The following POTEF variants were observed in gnomAD, a reference collection of about 807,000 sequenced individuals.
POTEF encodes POTE ankyrin domain family member F.
POTEF carries 20 observed loss-of-function variants against 83.2 expected under a neutral mutation model. The observed-to-expected ratio is 0.24, with a 90% CI of 0.17 to 0.35. The LOEUF (loss-of-function observed/expected upper bound fraction) is 0.35. POTEF is among the 10% of genes least tolerant of loss of function. The pLI is 1.00. For missense variants in POTEF, 550 were observed against 1,203.2 expected (o/e 0.46, Z 8.03); for synonymous variants, 196 against 446.4 (o/e 0.44, Z 7.07).
chr2:130,118,518 A>C (rs1335221389), intron 3 of POTEF, among the ~76,000 whole-genome samples: 1 of 151,462 alleles, frequency 6.6e-6, no homozygotes, highest in African/African-American at 2.4e-5. Flanking sequence ...AAGATGGTGA[A>C]ACCCCATCTC....
intron 8 of POTEF, among the ~76,000 whole-genome samples, chr2:130,104,190 G>C (rs527500553): frequency 6.0e-5 from 9 of 149,766 alleles, no homozygotes; most frequent in Admixed American, 2.0e-4. Flanking sequence ...TCTATAAGAA[G>C]TCAGAGAAAT....
At chr2:130,122,407 C>A (rs1299755343) in intron 2 of POTEF, among the ~76,000 whole-genome samples, 1 of 144,906 alleles carries the variant, frequency 6.9e-6, no homozygotes, top group Non-Finnish European at 1.5e-5. Context: ...ATTATACCAG[C>A]AGCATATGTT....
rs1483225186 is a variant in POTEF, at chr2:130,123,368, T to C, written c.-93-2760A>G. ...TGACCAAAGGTGATATTAACAGATA[T>C]GCTTATTTATTACCTTGTTCTCAAA... is the stretch of plus-strand genomic sequence containing the variant. On this transcript the variant is annotated intron_variant, in intron 2 of 16. Transcript: ENST00000409914. 3.9e-5 allele frequency among the ~76,000 whole-genome samples: 6 copies of C among 152,020 alleles called. No individual in the cohort carries two copies. In the East Asian group the frequency reaches 1.2e-3, roughly 29 times the overall value.
chr2:130,075,681 G>A (rs1683780206), intron 16 of POTEF, 109 bp from the exon 17 acceptor site: 1 of 1,390,910 alleles, frequency 7.2e-7, no homozygotes, highest in African/African-American at 1.5e-5. Context: ...AATCCCCATA[G>A]TGGATATTTA....
At chr2:130,114,074 C>T (rs1285658358) in intron 5 of POTEF, among the ~76,000 whole-genome samples, 21 of 151,898 alleles carry the variant, frequency 1.4e-4, no homozygotes, top group Admixed American at 1.4e-3. Context: ...GAATAGGATA[C>T]TAAGTCAGTT....
chr2:130,128,799 G>A (rs1363935122), intron 1 of POTEF, among the ~76,000 whole-genome samples: 37 of 135,536 alleles, frequency 2.7e-4, no homozygotes, highest in Non-Finnish European at 5.3e-4. Context: ...CCCGGGCAGT[G>A]CAGCAGAAAA....
intron 5 of POTEF, among the ~76,000 whole-genome samples, chr2:130,113,221 G>GAA (rs1206432110): frequency 5.8e-4 from 29 of 50,286 alleles, no homozygotes; most frequent in African/African-American, 7.6e-4. Context: ...CATCTCTACT[G>GAA]AAAAAAAAAA....
chr2:130,083,457 G>A (rs2104780510), intron 15 of POTEF, among the ~76,000 whole-genome samples: 1 of 146,700 alleles, frequency 6.8e-6, no homozygotes, highest in South Asian at 2.2e-4. Flanking sequence ...TAGAAAGGCA[G>A]GAGGAAAAGC....
intron 3 of POTEF, among the ~76,000 whole-genome samples, chr2:130,117,095 A>G (rs1448261477): frequency 6.6e-6 from 1 of 151,614 alleles, no homozygotes; most frequent in Admixed American, 6.6e-5. Context: ...GTAATGCAAT[A>G]CATTTGCAAT....
chr2:130,083,337 A>C (rs1477836412), intron 15 of POTEF, among the ~76,000 whole-genome samples: 1 of 152,224 alleles, frequency 6.6e-6, no homozygotes, highest in Non-Finnish European at 1.5e-5. Flanking sequence ...TCTGTCTTAA[A>C]AAAAAAAAAA....
At chr2:130,109,227 T>C (rs566084104) in intron 7 of POTEF, 1 of 149,600 alleles carries the variant, frequency 6.7e-6, no homozygotes, top group East Asian at 2.0e-4. Flanking sequence ...GCTTCAAAGA[T>C]CTGTCCTGCC....
intron 8 of POTEF, among the ~76,000 whole-genome samples, chr2:130,102,924 G>C (rs1383149905): frequency 4.0e-5 from 6 of 151,400 alleles, no homozygotes; most frequent in Non-Finnish European, 8.8e-5. Context: ...GAACCTAAAT[G>C]AAATCCTCCT....
intron 15 of POTEF, 60 bp from the exon 16 acceptor site, chr2:130,077,261 C>T (rs1177159643): frequency 1.9e-6 from 1 of 521,728 alleles, no homozygotes; most frequent in Non-Finnish European, 3.5e-6. Context: ...ATGTACAGGG[C>T]AAGATGGCGC....
intron 8 of POTEF, among the ~76,000 whole-genome samples, chr2:130,103,251 T>A (rs1479926188): frequency 5.3e-5 from 8 of 149,890 alleles, no homozygotes; most frequent in African/African-American, 1.8e-4. Context: ...TACAGGCATG[T>A]ACCATCATGC....
At chr2:130,125,804 G>T (rs530168880) in intron 2 of POTEF, among the ~76,000 whole-genome samples, 1 of 151,412 alleles carries the variant, frequency 6.6e-6, no homozygotes, top group Non-Finnish European at 1.5e-5. Flanking sequence ...TACTCAGGGG[G>T]CCAAGGCAGG....
At position 130,074,769 on chromosome 2, in the gene POTEF, G is replaced by C; in HGVS notation, c.2703C>G (p.Thr901=). 2 of 1,482,690 alleles carry C rather than the reference G, an allele frequency of 1.3e-6. No individual in the cohort carries two copies. The highest frequency in any genetic ancestry group is 1.8e-6 in the Non-Finnish European group (2 of 1,095,462). The allele number at this position is 1,482,690 out of a possible 1,614,324, so 91.8% of individuals were successfully genotyped here. A position where few individuals can be genotyped will look rare whatever the true frequency, so the allele number is the denominator to read the frequency against. ...GCACGATTTCCCGCTCGGCCATGGT[G>C]GTGAACCTATAGCCATGCTCGGTGA... is the stretch of plus-strand genomic sequence containing the variant. ...KILTEHGYRF[T]TMAEREIVRD... The change falls in exon 17 of 17, where the codon ACC becomes ACG. Residue 901 remains threonine (T), a synonymous_variant. Coordinates refer to ENST00000409914, the MANE Select transcript of POTEF (RefSeq NM_001099771.2).
intron 2 of POTEF, among the ~76,000 whole-genome samples, chr2:130,122,411 A>G (rs963400630): frequency 9.7e-5 from 14 of 144,618 alleles, no homozygotes; most frequent in Non-Finnish European, 1.8e-4. Context: ...TACCAGCAGC[A>G]TATGTTGAAT....
intron 3 of POTEF, among the ~76,000 whole-genome samples, chr2:130,118,917 A>G (rs1027948717): frequency 6.7e-6 from 1 of 150,342 alleles, no homozygotes; most frequent in Non-Finnish European, 1.5e-5. Flanking sequence ...AATTCTTAAC[A>G]TATATTTGGG....
intron 3 of POTEF, among the ~76,000 whole-genome samples, chr2:130,119,368 G>C (rs1412404046): frequency 1.3e-5 from 2 of 151,866 alleles, no homozygotes; most frequent in South Asian, 2.1e-4. Context: ...GGGTTTCACC[G>C]TGTTAGCCAG....
Sources: gnomAD v4.1 joint callset for allele counts (sites outside exome capture counted in the v4.1 genomes callset) on GRCh38, gnomAD v4.1.1 for gene constraint, MANE v1.5 for transcripts, NCBI Gene and HGNC (gene_info 2026-07-23, HGNC 2026-07-21) for gene names.